NKAIN2: variants seen among roughly 807,000 people sequenced by gnomAD.
NKAIN2 encodes sodium/potassium-transporting ATPase subunit beta-1-interacting protein 2.
In NKAIN2, 14 loss-of-function variants were observed where a neutral mutation model predicts 32.6. That is an observed-to-expected ratio of 0.43 (90% CI 0.28 to 0.67). NKAIN2 has a LOEUF of 0.67. Among genes scored for constraint, NKAIN2 ranks in the 30% least tolerant of loss-of-function variants. NKAIN2 has a pLI of 0.17. For synonymous variants in NKAIN2, 80 were observed against 87.2 expected (o/e 0.92, Z 0.46); for missense variants, 198 against 258.3 (o/e 0.77, Z 1.60).
intron 3 of NKAIN2, among the ~76,000 whole-genome samples, chr6:124,623,988 A>G (rs1390643022): frequency 6.6e-6 from 1 of 151,992 alleles, no homozygotes; most frequent in African/African-American, 2.4e-5. Context: ...TAGGGGAAGA[A>G]TGTACTGTGA....
chr6:124,315,405 T>G (rs953322398), intron 2 of NKAIN2, among the ~76,000 whole-genome samples: 5 of 151,930 alleles, frequency 3.3e-5, no homozygotes, highest in African/African-American at 1.2e-4. Context: ...GAATGCACTT[T>G]AAAAAAAGAG....
At chr6:124,361,277 T>G (rs891416475) in intron 3 of NKAIN2, among the ~76,000 whole-genome samples, 36 of 152,064 alleles carry the variant, frequency 2.4e-4, no homozygotes, top group African/African-American at 8.7e-4. Flanking sequence ...AACCTATATT[T>G]TATTGCATGT....
At position 124,310,690 on chromosome 6, in the gene NKAIN2, G is replaced by A. The variant is rs528032223; in HGVS notation, c.192+27548G>A. On this transcript the variant is annotated intron_variant, in intron 2 of 6. Transcript: ENST00000368417. ...GTAGCTGTTCTGCCAAATATGACCCGAATCTCCACTGAAGTCAGAGGTGAT... is the reference window on the plus strand; with the variant it reads ...GTAGCTGTTCTGCCAAATATGACCCAAATCTCCACTGAAGTCAGAGGTGAT... Among the ~76,000 whole-genome samples the A allele has an allele frequency of 7.2e-5, 11 of 152,136 alleles. No homozygotes were observed. The East Asian group carries it at 1.5e-3, about 21-fold the overall frequency.
chr6:124,445,393 C>G (rs1488507292), intron 3 of NKAIN2, among the ~76,000 whole-genome samples: 2 of 151,754 alleles, frequency 1.3e-5, no homozygotes, highest in African/African-American at 4.8e-5. Flanking sequence ...TTAAACATCC[C>G]TGTATTTGTT....
intron 1 of NKAIN2, among the ~76,000 whole-genome samples, chr6:124,267,481 TAAAAAAAAAAAAAA>T (rs71541244): frequency 1.0e-5 from 1 of 97,750 alleles, no homozygotes; most frequent in African/African-American, 3.6e-5. Flanking sequence ...ACCATGTCTC[TAAAAAAAAAAAAAA>T]AAAAAAAGAG....
intron 3 of NKAIN2, among the ~76,000 whole-genome samples, chr6:124,425,471 T>C (rs1774942331): frequency 6.6e-6 from 1 of 151,982 alleles, no homozygotes; most frequent in African/African-American, 2.4e-5. Flanking sequence ...AAAATGAAGT[T>C]TCTACACAGC....
chr6:124,781,930 A>T (rs115833183), intron 4 of NKAIN2, among the ~76,000 whole-genome samples: 124 of 152,140 alleles, frequency 8.2e-4, no homozygotes, highest in African/African-American at 2.8e-3. Context: ...CCCAATCCAC[A>T]TTTTATTCCC....
intron 5 of NKAIN2, among the ~76,000 whole-genome samples, chr6:124,801,298 A>G (rs1353591103): frequency 6.6e-6 from 1 of 152,132 alleles, no homozygotes; most frequent in African/African-American, 2.4e-5. Context: ...TAAATATTAT[A>G]TTGCTAACAT....
intron 3 of NKAIN2, among the ~76,000 whole-genome samples, chr6:124,624,064 AG>A (rs1783210092): frequency 6.6e-6 from 1 of 152,186 alleles, no homozygotes; most frequent in Non-Finnish European, 1.5e-5. Context: ...TGTTATTAGA[AG>A]AAAGAAATGG....
intron 1 of NKAIN2, among the ~76,000 whole-genome samples, chr6:124,242,804 T>C (rs1204616145): frequency 6.7e-6 from 1 of 149,724 alleles, no homozygotes; most frequent in Non-Finnish European, 1.5e-5. Flanking sequence ...AACTAAACAC[T>C]GCATGTTCTC....
intron 3 of NKAIN2, among the ~76,000 whole-genome samples, chr6:124,442,511 G>T (rs1274336016): frequency 6.6e-6 from 1 of 152,024 alleles, no homozygotes; most frequent in Non-Finnish European, 1.5e-5. Flanking sequence ...AATAATGGTG[G>T]ATGGCATGGG....
At chr6:124,253,040 A>G (rs146692766) in intron 1 of NKAIN2, among the ~76,000 whole-genome samples, 185 of 152,276 alleles carry the variant, frequency 1.2e-3, no homozygotes, top group African/African-American at 4.2e-3. Flanking sequence ...AAAAATACCA[A>G]GTGGTACCTG....
At chr6:124,811,938 A>G in intron 5 of NKAIN2, among the ~76,000 whole-genome samples, 1 of 152,144 alleles carries the variant, frequency 6.6e-6, no homozygotes, top group Admixed American at 6.5e-5. Flanking sequence ...CAAGGCAGAG[A>G]TTAAGAAAGT....
chr6:124,129,983 T>C (rs769162250), intron 1 of NKAIN2, among the ~76,000 whole-genome samples: 1 of 152,202 alleles, frequency 6.6e-6, no homozygotes, highest in Admixed American at 6.5e-5. Flanking sequence ...GTAGTGATGA[T>C]AGTTTTCTCA....
At chr6:123,935,535 GTTAAGT>G (rs141657098) in intron 1 of NKAIN2, among the ~76,000 whole-genome samples, 1,777 of 151,940 alleles carry the variant, frequency 0.012, 30 homozygotes, top group African/African-American at 0.041. Flanking sequence ...TTTTGAATGT[GTTAAGT>G]TTAAGAGTGT....
At chr6:124,676,555 C>A (rs1253237027) in intron 4 of NKAIN2, among the ~76,000 whole-genome samples, 1 of 152,024 alleles carries the variant, frequency 6.6e-6, no homozygotes, top group African/African-American at 2.4e-5. Flanking sequence ...CATGAGTTCA[C>A]CCTATTATCC....
At position 124,452,914 on chromosome 6, in the gene NKAIN2, A is replaced by T. The variant is rs1044846979; in HGVS notation, c.273+97567A>T. Reference sequence around the variant, plus strand: ...ATGTTACATCTAACCCAAGGTTTTAACCACAATTAGTTGAGTGGTTTGGGG... The same window carrying T: ...ATGTTACATCTAACCCAAGGTTTTATCCACAATTAGTTGAGTGGTTTGGGG... On this transcript the variant is annotated intron_variant, in intron 3 of 6. Coordinates refer to ENST00000368417, the MANE Select transcript of NKAIN2 (RefSeq NM_001040214.3). Among the ~76,000 whole-genome samples, 4 of 152,062 alleles carry T rather than the reference A, an allele frequency of 2.6e-5. No homozygotes were observed. The East Asian group carries it at 5.8e-4, about 22-fold the overall frequency.
intron 1 of NKAIN2, among the ~76,000 whole-genome samples, chr6:124,178,393 G>A (rs1789271539): frequency 1.3e-5 from 2 of 151,638 alleles, no homozygotes. Flanking sequence ...CGCCTCCTGG[G>A]TTCACGCCAT....
chr6:124,598,630 G>A (rs563574128), intron 3 of NKAIN2, among the ~76,000 whole-genome samples: 1 of 151,548 alleles, frequency 6.6e-6, no homozygotes, highest in Non-Finnish European at 1.5e-5. Flanking sequence ...CCACCGAGGA[G>A]GGCCCTGGAT....
Sources: allele counts gnomAD v4.1 joint callset (sites outside exome capture counted in the v4.1 genomes callset), GRCh38; gene constraint gnomAD v4.1.1; transcripts MANE v1.5; gene names NCBI Gene and HGNC (gene_info 2026-07-23, HGNC 2026-07-21).